Variants in MGAT4D observed in about 807,000 individuals in gnomAD.
MGAT4D encodes alpha-1,3-mannosyl-glycoprotein 4-beta-N-acetylglucosaminyltransferase-like protein MGAT4D.
A neutral mutation model predicts 15.9 loss-of-function variants in MGAT4D; 34 were observed. The ratio of observed to expected loss-of-function variants is 2.14; its 90% CI spans 1.62 to 2.84. The LOEUF is 2.84. MGAT4D is among the 30% of genes most tolerant of loss of function. The probability of loss-of-function intolerance (pLI) is 0.00; values close to 1 mark genes in which losing one functional copy is unlikely to be tolerated. For missense variants in MGAT4D, 327 were observed against 140.2 expected (o/e 2.33, Z -6.73); for synonymous variants, 112 against 48.2 (o/e 2.33, Z -5.49).
At chr4:140,458,438 C>T (rs1187423278) in intron 8 of MGAT4D, 1 of 152,172 alleles carries the variant, frequency 6.6e-6, no homozygotes. Context: ...CAGATGAAAG[C>T]ACAGACAGTG....
intron 4 of MGAT4D, among the ~76,000 whole-genome samples, chr4:140,472,124 TA>T (rs1243718010): frequency 7.2e-5 from 11 of 152,144 alleles, no homozygotes; most frequent in African/African-American, 2.4e-4. Context: ...ATTATATATC[TA>T]AAGATGTTTT....
At chr4:140,495,684 A>C (rs563589189) in intron 1 of MGAT4D, among the ~76,000 whole-genome samples, 1 of 152,322 alleles carries the variant, frequency 6.6e-6, no homozygotes, top group African/African-American at 2.4e-5. Flanking sequence ...CATAAAAATG[A>C]ACAAAAAGGT....
chr4:140,456,879 T>C (rs1410904279), intron 8 of MGAT4D, 160 bp from the exon 9 acceptor site: 11 of 424,636 alleles, frequency 2.6e-5, no homozygotes, highest in Non-Finnish European at 4.6e-5. Flanking sequence ...AATTAAACAC[T>C]ATATCTGCTT....
At position 140,474,472 on chromosome 4, in the gene MGAT4D, G is replaced by A. The variant is rs947246096; in HGVS notation, c.525+341C>T. ...CTGGGCACATTTTATTACTAGCATC[G>A]ATTTTAATAATTTTAATTTTGTTTG... On this transcript the variant is annotated intron_variant, in intron 4 of 10. Coordinates refer to ENST00000511113, the MANE Select transcript of MGAT4D (RefSeq NM_001277353.2). Among the ~76,000 whole-genome samples, 5 of 152,196 alleles carry A rather than the reference G, an allele frequency of 3.3e-5. No individual in the cohort carries two copies. The South Asian group carries it at 6.2e-4, about 19-fold the overall frequency.
In MGAT4D at chr4:140,456,670, T is replaced by TA. The variant is rs879091390; in HGVS notation, c.926dup (p.Leu309PhefsTer15). The TA allele has an allele frequency of 1.9e-4, 130 of 695,436 alleles. No homozygotes were observed. The highest frequency in any genetic ancestry group is 4.7e-4 in the South Asian group (31 of 66,228). The allele number at this position is 695,436 out of a possible 1,614,324, so 43.1% of individuals were successfully genotyped here. The stretch of plus-strand genomic sequence containing the variant: ...CTATGGGTTTCTCTTTGTAGAACAT[T>TA]AAAAAAAACCGTACAAAGTGAGTTA... On this transcript the variant is annotated frameshift_variant, in exon 9 of 11. Transcript: ENST00000511113. LOFTEE classifies it high-confidence loss of function.
chr4:140,468,471 T>C (rs1560780574), intron 5 of MGAT4D, among the ~76,000 whole-genome samples: 1 of 152,182 alleles, frequency 6.6e-6, no homozygotes, highest in East Asian at 1.9e-4. Flanking sequence ...TCTTCAGGAA[T>C]TGTTTTACAC....
At chr4:140,457,217 T>A (rs567086044) in intron 8 of MGAT4D, 1 of 152,064 alleles carries the variant, frequency 6.6e-6, no homozygotes, top group African/African-American at 2.4e-5. Context: ...CTTAAAGATT[T>A]ACTATATTTT....
intron 3 of MGAT4D, among the ~76,000 whole-genome samples, chr4:140,479,006 T>C (rs1448817307): frequency 6.6e-6 from 1 of 152,214 alleles, no homozygotes; most frequent in Non-Finnish European, 1.5e-5. Flanking sequence ...GCAGGTATCC[T>C]GAGACTTAGC....
intron 10 of MGAT4D, among the ~76,000 whole-genome samples, chr4:140,448,160 C>G (rs114243352): frequency 6.6e-6 from 1 of 152,072 alleles, no homozygotes; most frequent in African/African-American, 2.4e-5. Flanking sequence ...TTTTGACTTC[C>G]GTAAATCGGA....
intron 1 of MGAT4D, among the ~76,000 whole-genome samples, chr4:140,494,570 C>G (rs1229043536): frequency 6.6e-6 from 1 of 152,152 alleles, no homozygotes; most frequent in African/African-American, 2.4e-5. Flanking sequence ...ACTGCCTATT[C>G]AACACTTTCA....
intron 8 of MGAT4D, chr4:140,459,031 G>T (rs752640988): frequency 6.6e-6 from 1 of 152,046 alleles, no homozygotes; most frequent in Admixed American, 6.5e-5. Flanking sequence ...CTCATAATGG[G>T]TATAGTATTT....
chr4:140,481,842 T>G (rs1399294541), intron 2 of MGAT4D, among the ~76,000 whole-genome samples: 1 of 152,156 alleles, frequency 6.6e-6, no homozygotes, highest in African/African-American at 2.4e-5. Context: ...GGCAGGACTT[T>G]TTGTCCTGCA....
chr4:140,483,511 C>A (rs1732882937), intron 1 of MGAT4D, among the ~76,000 whole-genome samples: 1 of 151,968 alleles, frequency 6.6e-6, no homozygotes, highest in Admixed American at 6.6e-5. Flanking sequence ...AACAGAAAAA[C>A]AACCCCTGCA....
chr4:140,496,473 A>T (rs1018264787), intron 1 of MGAT4D, among the ~76,000 whole-genome samples: 5 of 152,204 alleles, frequency 3.3e-5, no homozygotes, highest in African/African-American at 1.2e-4. Context: ...GATTGTAAGG[A>T]TCTCAAAGTC....
intron 10 of MGAT4D, chr4:140,449,896 GAATGTAATAACTTA>G (rs1364529964): frequency 4.9e-6 from 1 of 202,052 alleles, no homozygotes; most frequent in South Asian, 1.9e-4. Context: ...AACATTCATA[GAATGTAATAACTTA>G]AAATTAAATT....
chr4:140,489,584 GCTGA>G, intron 1 of MGAT4D, among the ~76,000 whole-genome samples: 1 of 152,172 alleles, frequency 6.6e-6, no homozygotes, highest in South Asian at 2.1e-4. Flanking sequence ...ATTTTTGCAA[GCTGA>G]CTTACACTTG....
intron 9 of MGAT4D, among the ~76,000 whole-genome samples, chr4:140,452,091 A>C (rs952365025): frequency 1.3e-5 from 2 of 151,994 alleles, no homozygotes; most frequent in Admixed American, 1.3e-4. Context: ...CTGTAATCTC[A>C]GCACTTTGAG....
At chr4:140,487,828 T>C (rs973535530) in intron 1 of MGAT4D, among the ~76,000 whole-genome samples, 1 of 152,210 alleles carries the variant, frequency 6.6e-6, no homozygotes, top group Non-Finnish European at 1.5e-5. Context: ...ACTAGCTGCA[T>C]TTCAAGTGCT....
At chr4:140,448,517 A>G (rs540096854) in intron 10 of MGAT4D, among the ~76,000 whole-genome samples, 84 of 152,092 alleles carry the variant, frequency 5.5e-4, no homozygotes, top group African/African-American at 2.0e-3. Flanking sequence ...GTTCATTAGG[A>G]TATTCTTGTA....
Sources: allele counts gnomAD v4.1 joint callset (sites outside exome capture counted in the v4.1 genomes callset), GRCh38; gene constraint gnomAD v4.1.1; transcripts MANE v1.5; gene names NCBI Gene and HGNC (gene_info 2026-07-23, HGNC 2026-07-21).